CTNNA2: variants seen among roughly 807,000 people sequenced by gnomAD.
CTNNA2 encodes the protein catenin alpha-2.
In CTNNA2, 42 loss-of-function variants were observed where a neutral mutation model predicts 101.0. The observed-to-expected ratio is 0.42, with a 90% CI of 0.32 to 0.54. CTNNA2 has a LOEUF of 0.54. Among genes scored for constraint, CTNNA2 ranks in the 20% least tolerant of loss-of-function variants. CTNNA2 has a pLI of 0.14. For synonymous variants in CTNNA2, 450 were observed against 456.4 expected, an observed-to-expected ratio of 0.99 and a Z score of 0.18; for missense variants, 871 against 1,223.1, an observed-to-expected ratio of 0.71 and a Z score of 4.29.
At position 79,430,871 on chromosome 2, in the gene CTNNA2, T is replaced by C. The variant is rs72820634; in HGVS notation, c.-135+56858T>C. On this transcript the variant is annotated intron_variant, in intron 4 of 21. Transcript: ENST00000466387. ...AAGAAATTACTATGTAAAGACTTCA[T>C]TATATTGTGTACACTATTTTATTCA... Among the ~76,000 whole-genome samples, 897 of 135,332 alleles carry C rather than the reference T, an allele frequency of 6.6e-3. 1 individual carries two copies. The highest frequency in any genetic ancestry group is 9.6e-3 in the Non-Finnish European group (588 of 60,996). 88.8% of individuals were successfully genotyped at this position (135,332 alleles called of 152,430 possible). A position where few individuals can be genotyped will look rare whatever the true frequency, so the allele number is the denominator to read the frequency against.
At chr2:80,231,492 G>A (rs1304590517) in intron 7 of CTNNA2, among the ~76,000 whole-genome samples, 5 of 152,156 alleles carry the variant, frequency 3.3e-5, no homozygotes, top group Non-Finnish European at 5.9e-5. Context: ...TTCTCAATCA[G>A]CTGGGTGGAC....
chr2:79,923,948 C>A (rs996725632), intron 7 of CTNNA2, among the ~76,000 whole-genome samples: 3 of 152,258 alleles, frequency 2.0e-5, no homozygotes, highest in Non-Finnish European at 4.4e-5. Flanking sequence ...TATGATCCAG[C>A]AATCCCACTT....
At chr2:79,361,551 T>C (rs571435415) in intron 3 of CTNNA2, among the ~76,000 whole-genome samples, 3 of 152,276 alleles carry the variant, frequency 2.0e-5, no homozygotes, top group African/African-American at 7.2e-5. Flanking sequence ...TGTTCATATT[T>C]AAAGAAGTCA....
chr2:80,073,005 T>C (rs1355363230), intron 7 of CTNNA2, among the ~76,000 whole-genome samples: 4 of 152,186 alleles, frequency 2.6e-5, no homozygotes, highest in African/African-American at 9.7e-5. Context: ...AGGAAAAAAC[T>C]GGTTTTCATA....
intron 2 of CTNNA2, among the ~76,000 whole-genome samples, chr2:79,709,079 T>C (rs1349750756): frequency 1.4e-4 from 22 of 152,194 alleles, no homozygotes; most frequent in Non-Finnish European, 2.9e-5. Context: ...GATAAATGTA[T>C]ATCCTATACT....
intron 9 of CTNNA2, among the ~76,000 whole-genome samples, chr2:80,511,221 A>C (rs1282942622): frequency 6.6e-6 from 1 of 152,196 alleles, no homozygotes; most frequent in Non-Finnish European, 1.5e-5. Flanking sequence ...CTAAGGCAAA[A>C]TTGTAAAAAA....
At chr2:79,460,573 C>T (rs1385983763) in intron 4 of CTNNA2, among the ~76,000 whole-genome samples, 1 of 152,166 alleles carries the variant, frequency 6.6e-6, no homozygotes, top group Non-Finnish European at 1.5e-5. Context: ...TTATTACTTC[C>T]TAAATAAGCT....
chr2:79,729,307 TCTTA>T (rs1012895730), intron 2 of CTNNA2, among the ~76,000 whole-genome samples: 11 of 152,262 alleles, frequency 7.2e-5, no homozygotes, highest in African/African-American at 2.4e-4. Context: ...AAATAAACTG[TCTTA>T]CTTAAGCCTC....
intron 4 of CTNNA2, among the ~76,000 whole-genome samples, chr2:79,476,467 C>T (rs1445787504): frequency 2.6e-5 from 4 of 152,008 alleles, no homozygotes; most frequent in Admixed American, 1.3e-4. Context: ...TTTAGCCATT[C>T]GGTAACAGTA....
intron 7 of CTNNA2, among the ~76,000 whole-genome samples, chr2:80,324,629 A>G (rs1222593733): frequency 6.6e-6 from 1 of 152,146 alleles, no homozygotes; most frequent in African/African-American, 2.4e-5. Context: ...AAAGAGAACT[A>G]AATTCTTAGC....
At chr2:80,477,989 G>A (rs113464432) in intron 9 of CTNNA2, among the ~76,000 whole-genome samples, 19 of 151,956 alleles carry the variant, frequency 1.3e-4, no homozygotes, top group Non-Finnish European at 2.4e-4. Flanking sequence ...CTTAGAGGTC[G>A]TACTAATTTA....
intron 7 of CTNNA2, among the ~76,000 whole-genome samples, chr2:79,952,957 A>T (rs1688985994): frequency 6.6e-6 from 1 of 152,246 alleles, no homozygotes; most frequent in African/African-American, 2.4e-5. Flanking sequence ...AGAAGCTAAA[A>T]TTCTTAACAA....
At chr2:80,445,301 C>T (rs543830636) in intron 9 of CTNNA2, among the ~76,000 whole-genome samples, 4 of 152,066 alleles carry the variant, frequency 2.6e-5, no homozygotes, top group Non-Finnish European at 5.9e-5. Context: ...CCCACCTCAG[C>T]CTCCCGAGTG....
At chr2:79,415,505 C>G (rs1388436228) in intron 4 of CTNNA2, among the ~76,000 whole-genome samples, 2 of 152,122 alleles carry the variant, frequency 1.3e-5, no homozygotes, top group South Asian at 2.1e-4. Flanking sequence ...TTATTAAGCA[C>G]CTAATTCACA....
chr2:79,470,367 C>T (rs1384347456), intron 4 of CTNNA2, among the ~76,000 whole-genome samples: 8 of 152,134 alleles, frequency 5.3e-5, no homozygotes, highest in African/African-American at 1.9e-4. Flanking sequence ...AAAAGCTTTT[C>T]TCGATAAAAC....
intron 7 of CTNNA2, among the ~76,000 whole-genome samples, chr2:80,339,535 G>C (rs562311422): frequency 6.6e-6 from 1 of 152,278 alleles, no homozygotes; most frequent in East Asian, 1.9e-4. Flanking sequence ...GCTATGCAGA[G>C]AGAAGTAGAA....
intron 7 of CTNNA2, among the ~76,000 whole-genome samples, chr2:80,177,138 G>A (rs1370604713): frequency 6.6e-6 from 1 of 152,240 alleles, no homozygotes; most frequent in Non-Finnish European, 1.5e-5. Flanking sequence ...GGGGAACATG[G>A]TGAGACCAGT....
At chr2:79,592,929 G>T (rs1055321096) in intron 1 of CTNNA2, among the ~76,000 whole-genome samples, 9 of 152,132 alleles carry the variant, frequency 5.9e-5, no homozygotes, top group Admixed American at 3.3e-4. Flanking sequence ...GATGTGTGCA[G>T]CCTAGCAAGT....
intron 7 of CTNNA2, among the ~76,000 whole-genome samples, chr2:80,291,325 G>A (rs115738921): frequency 0.011 from 1,720 of 152,244 alleles, 40 homozygotes; most frequent in African/African-American, 0.039. Flanking sequence ...AGAACTAGAA[G>A]GAAAGCCAGA....
Sources: gnomAD v4.1 joint callset for allele counts (sites outside exome capture counted in the v4.1 genomes callset) on GRCh38, gnomAD v4.1.1 for gene constraint, MANE v1.5 for transcripts, NCBI Gene and HGNC (gene_info 2026-07-23, HGNC 2026-07-21) for gene names.